Variants in ZMYM2 observed in about 807,000 individuals in gnomAD.
ZMYM2 encodes the protein zinc finger MYM-type containing 2.
A neutral mutation model predicts 162.8 loss-of-function variants in ZMYM2; 56 were observed. That is an observed-to-expected ratio of 0.34 (90% CI 0.28 to 0.43). The LOEUF (loss-of-function observed/expected upper bound fraction) is 0.43, where lower values mean the gene tolerates loss of function less well. ZMYM2 is among the 20% of genes least tolerant of loss of function. ZMYM2 has a pLI of 1.00. For missense variants in ZMYM2, 1,275 were observed against 1,621.8 expected (o/e 0.79, Z 3.67); for synonymous variants, 510 against 541.6 (o/e 0.94, Z 0.81).
At chr13:19,906,345 A>G in the ZMYM2 span, among the ~76,000 whole-genome samples, 13 of 135,100 alleles carry the variant, frequency 9.6e-5, no homozygotes, top group Non-Finnish European at 1.6e-4. Flanking sequence ...GTGTATATAT[A>G]TGTGTGTGTA....
rs371253772 is a variant in ZMYM2 at position 20,041,371 on chromosome 13, A to ACTTG, written c.2292+4463_2292+4464insTTGC. ...TTTAAAGTCTGTTTTGTCTGAGGCAACCCCTGCTTTTCTCTGGTTTCCATT... is the reference window on the plus strand; with the variant it reads ...TTTAAAGTCTGTTTTGTCTGAGGCAACTTGCCCCTGCTTTTCTCTGGTTTCCATT... On this transcript the variant is annotated intron_variant, in intron 12 of 24. Coordinates refer to ENST00000610343, the MANE Select transcript of ZMYM2 (RefSeq NM_197968.4). Among the ~76,000 whole-genome samples, 243 of 151,840 alleles carry ACTTG rather than the reference A, an allele frequency of 1.6e-3. 1 individual carries two copies. In the Middle Eastern group the frequency reaches 0.017, roughly 11 times the overall value.
At chr13:20,071,170 C>G (rs1169058123) in intron 21 of ZMYM2, 4 of 152,236 alleles carry the variant, frequency 2.6e-5, no homozygotes, top group Non-Finnish European at 1.5e-5. Context: ...ACTGCAACCT[C>G]TGCCTCCGGG....
chr13:20,075,115 G>T (rs187704489), intron 21 of ZMYM2, among the ~76,000 whole-genome samples: 1 of 152,136 alleles, frequency 6.6e-6, no homozygotes, highest in Non-Finnish European at 1.5e-5. Context: ...CCAGAAATCA[G>T]TGCTGTTTAA....
intron 18 of ZMYM2, 55 bp downstream of exon 18, chr13:20,063,026 G>C: frequency 6.6e-7 from 1 of 1,518,958 alleles, no homozygotes; most frequent in East Asian, 2.4e-5. Flanking sequence ...CTGTGGTTAT[G>C]ATCATTTACC....
At chr13:19,886,162 C>CTT in the ZMYM2 span, among the ~76,000 whole-genome samples, 1,808 of 98,380 alleles carry the variant, frequency 0.018, 110 homozygotes, top group African/African-American at 0.042. Flanking sequence ...TTCTTTCTTT[C>CTT]TTTTTTTTTT....
In ZMYM2 at chr13:20,063,772, C is replaced by T. The variant is rs1263681345; in HGVS notation, c.3038-679C>T. Among the ~76,000 whole-genome samples the T allele has an allele frequency of 2.6e-4, 5 of 19,346 alleles. No homozygotes were observed. In the East Asian group the frequency reaches 0.018, roughly 68 times the overall value. The allele number at this position is 19,346 out of a possible 152,430, so 12.7% of individuals were successfully genotyped here. On this transcript the variant is annotated intron_variant, in intron 18 of 24. Transcript: ENST00000610343. ...CAACCTAGGCAACAAGAGCAAAACT[C>T]TGTCTCAAAAAATATATATATATAA...
the ZMYM2 span, among the ~76,000 whole-genome samples, chr13:19,885,176 A>G: frequency 1.4e-4 from 22 of 152,200 alleles, no homozygotes; most frequent in Non-Finnish European, 5.9e-5. Context: ...CAGAAGGCTG[A>G]CGTGGGAGAA....
In ZMYM2 at chr13:19,993,404, G is replaced by A. The variant is rs1353770386; in HGVS notation, c.332G>A (p.Gly111Glu). Residue 111 changes from glycine to glutamate, a missense_variant, in exon 3 of 25, where the codon GGA becomes GAA. Gly to Glu is a moderately conservative substitution (Grantham distance 98, BLOSUM62 -2). Transcript: ENST00000610343. ...PSSKELASQK[G>E]SVSETIVIDD... ...TCAAAAGAGTTGGCATCTCAGAAGGGAAGTGTAAGTGAGACAATTGTCATT... is the reference window on the plus strand; with the variant it reads ...TCAAAAGAGTTGGCATCTCAGAAGGAAAGTGTAAGTGAGACAATTGTCATT... 6.2e-7 allele frequency: 1 copy of A among 1,613,760 alleles called. No homozygotes were observed.
intron 21 of ZMYM2, among the ~76,000 whole-genome samples, chr13:20,074,882 T>G (rs979818570): frequency 6.6e-6 from 1 of 152,196 alleles, no homozygotes; most frequent in Non-Finnish European, 1.5e-5. Context: ...GATGAATGCT[T>G]TATCAAAAAG....
chr13:19,873,005 A>T, the ZMYM2 span, among the ~76,000 whole-genome samples: 3 of 151,698 alleles, frequency 2.0e-5, no homozygotes, highest in Non-Finnish European at 4.4e-5. Context: ...ACCCCAAAAA[A>T]AAATAAATAA....
chr13:20,061,370 A>ACGGTG lies in ZMYM2; in HGVS notation c.2911+146_2911+147insCGGTG. 6.1e-6 allele frequency: 4 copies of ACGGTG among 651,292 alleles called. No homozygotes were observed. The South Asian group carries it at 9.1e-5, about 15-fold the overall frequency. 40.3% of individuals were successfully genotyped at this position (651,292 alleles called of 1,614,324 possible). ...TTGTAACAAAAATGTTTTTTATATT[A>ACGGTG]AGAGATCTACACTGTATTTAGCCAG... On this transcript the variant is annotated intron_variant, in intron 17 of 24. Transcript: ENST00000610343.
the ZMYM2 span, among the ~76,000 whole-genome samples, chr13:19,890,276 C>T: frequency 6.6e-6 from 1 of 151,816 alleles, no homozygotes; most frequent in South Asian, 2.1e-4. Flanking sequence ...AAGTGATCCT[C>T]CCACCTCAAG....
intron 2 of ZMYM2, among the ~76,000 whole-genome samples, chr13:19,992,290 T>C (rs1949688698): frequency 6.6e-6 from 1 of 152,220 alleles, no homozygotes; most frequent in Non-Finnish European, 1.5e-5. Context: ...CAATGGCCCA[T>C]GCCTGTAATC....
At chr13:19,957,214 T>C (rs945547135), upstream of ZMYM2, among the ~76,000 whole-genome samples, 5 of 152,236 alleles carry the variant, frequency 3.3e-5, no homozygotes, top group Non-Finnish European at 5.9e-5. Context: ...TCTATTAGTT[T>C]ACACATCAGT....
intron 24 of ZMYM2, among the ~76,000 whole-genome samples, chr13:20,084,668 C>G (rs893067343): frequency 2.0e-5 from 3 of 151,794 alleles, no homozygotes; most frequent in African/African-American, 7.3e-5. Context: ...ATTTTTTTTC[C>G]CCTCAATCTC....
At chr13:19,987,778 GCCT>G (rs1566227325) in intron 2 of ZMYM2, among the ~76,000 whole-genome samples, 1 of 151,966 alleles carries the variant, frequency 6.6e-6, no homozygotes, top group African/African-American at 2.4e-5. Context: ...ACCGTGCCCA[GCCT>G]AATTTTTGTA....
intron 3 of ZMYM2, among the ~76,000 whole-genome samples, chr13:20,000,138 G>A (rs569224004): frequency 6.6e-6 from 1 of 152,256 alleles, no homozygotes; most frequent in South Asian, 2.1e-4. Context: ...AGTTTAAGTG[G>A]TCTGGATAGA....
At chr13:19,931,159 T>A in the ZMYM2 span, among the ~76,000 whole-genome samples, 114 of 142,438 alleles carry the variant, frequency 8.0e-4, no homozygotes, top group African/African-American at 2.4e-3. Flanking sequence ...ATAATAATAA[T>A]AATAATAATA....
the ZMYM2 span, among the ~76,000 whole-genome samples, chr13:19,866,860 C>A: frequency 2.6e-5 from 4 of 151,976 alleles, no homozygotes; most frequent in East Asian, 7.7e-4. Context: ...TGCCACTGCA[C>A]TCCAGCATCT....
Sources: gnomAD v4.1 joint callset for allele counts (sites outside exome capture counted in the v4.1 genomes callset) on GRCh38, gnomAD v4.1.1 for gene constraint, MANE v1.5 for transcripts, NCBI Gene and HGNC (gene_info 2026-07-23, HGNC 2026-07-21) for gene names.